The following SDK2 variants were observed in gnomAD, a reference collection of about 807,000 sequenced individuals.
The protein encoded by SDK2 is sidekick cell adhesion molecule 2.
SDK2 carries 105 observed loss-of-function variants against 253.9 expected under a neutral mutation model. The ratio of observed to expected loss-of-function variants is 0.41; its 90% confidence interval spans 0.35 to 0.49. The LOEUF (loss-of-function observed/expected upper bound fraction) is 0.49. Ranked by LOEUF, SDK2 falls within the 20% of genes least tolerant of loss-of-function variation. SDK2 has a pLI of 0.06. For missense variants in SDK2, 2,608 were observed against 3,003.0 expected, an observed-to-expected ratio of 0.87 and a Z score of 3.07; for synonymous variants, 1,249 against 1,234.9, an observed-to-expected ratio of 1.01 and a Z score of -0.24.
intron 1 of SDK2, among the ~76,000 whole-genome samples, chr17:73,539,961 G>C (rs1039984058): frequency 6.7e-6 from 1 of 149,380 alleles, no homozygotes; most frequent in Non-Finnish European, 1.5e-5. Context: ...CACCAGAGAC[G>C]GGGTCATGCA....
intron 1 of SDK2, among the ~76,000 whole-genome samples, chr17:73,525,063 T>A (rs192302060): frequency 1.3e-5 from 2 of 152,218 alleles, no homozygotes; most frequent in African/African-American, 4.8e-5. Context: ...GGCTACTTCT[T>A]TGGGCCTCAT....
chr17:73,389,557 T>C (rs1476973205), intron 29 of SDK2, among the ~76,000 whole-genome samples: 1 of 152,140 alleles, frequency 6.6e-6, no homozygotes, highest in Non-Finnish European at 1.5e-5. Context: ...GTTTCTAATA[T>C]ATCCCTATCA....
rs201007708 is a variant in SDK2 at position 73,435,190 on chromosome 17, G to A, written c.1195+260C>T. Among the ~76,000 whole-genome samples, 2 of 152,320 alleles carry A rather than the reference G, an allele frequency of 1.3e-5. No homozygotes were observed. The highest frequency in any genetic ancestry group is 3.9e-4 in the East Asian group (2 of 5,178). On this transcript the variant is annotated intron_variant, in intron 9 of 44. Coordinates refer to ENST00000392650, the MANE Select transcript of SDK2 (RefSeq NM_001144952.2). This position sits in a 1 kb window ranked among gnomAD's most constrained non-coding sequence, Gnocchi z 5.7. ...TCATAGCTCCTTTTCTCAAAAAGCC[G>A]TGAACGCAACCTGGGCCCCAGGACA...
chr17:73,526,186 G>C (rs954657934), intron 1 of SDK2, among the ~76,000 whole-genome samples: 1 of 152,344 alleles, frequency 6.6e-6, no homozygotes, highest in South Asian at 2.1e-4. Context: ...GCCAGGATGC[G>C]TGCAAGGAAC....
chr17:73,495,878 T>A (rs749080274), intron 2 of SDK2, among the ~76,000 whole-genome samples: 1 of 152,214 alleles, frequency 6.6e-6, no homozygotes, highest in Non-Finnish European at 1.5e-5. Flanking sequence ...ACTGGCTCCA[T>A]GCCACGTACA....
At chr17:73,354,738 C>T (rs1381898963) in intron 40 of SDK2, among the ~76,000 whole-genome samples, 1 of 128,650 alleles carries the variant, frequency 7.8e-6, no homozygotes, top group Non-Finnish European at 1.6e-5. Context: ...CTTCCCCTAG[C>T]CTGCCCCAAC....
Position 73,609,147 on chromosome 17 carries a change from T to G in SDK2, c.64+34878A>C, listed in dbSNP as rs59549404. Among the ~76,000 whole-genome samples the G allele has an allele frequency of 0.19, 29,486 of 152,028 alleles. 3,096 individuals are homozygous for G. The highest frequency in any genetic ancestry group is 0.27 in the African/African-American group (11,139 of 41,420). On this transcript the variant is annotated intron_variant, in intron 1 of 44. Transcript: ENST00000392650. This position sits in a 1 kb window ranked among gnomAD's most constrained non-coding sequence, Gnocchi z 4.4. ...AAGATCAGGAGTTTGCAAGACCTTG[T>G]GTGTGTTCAGTTGGGATGACTTGGT... is the stretch of plus-strand genomic sequence containing the variant.
intron 2 of SDK2, among the ~76,000 whole-genome samples, chr17:73,497,523 C>T (rs1168643751): frequency 6.6e-6 from 1 of 152,120 alleles, no homozygotes; most frequent in African/African-American, 2.4e-5. Flanking sequence ...CAGTGTCTTC[C>T]CAGAAAGCTC....
chr17:73,552,485 C>T (rs747652304), intron 1 of SDK2, among the ~76,000 whole-genome samples: 2 of 152,202 alleles, frequency 1.3e-5, no homozygotes, highest in Admixed American at 6.5e-5. Flanking sequence ...AGGGGGTGGC[C>T]GTCCACATTG....
At chr17:73,515,703 C>A (rs574932136) in intron 1 of SDK2, among the ~76,000 whole-genome samples, 28 of 152,344 alleles carry the variant, frequency 1.8e-4, no homozygotes, top group African/African-American at 6.7e-4. Flanking sequence ...GGGGACCCCA[C>A]CCTGCAGCCC....
chr17:73,390,335 C>T lies in SDK2; in HGVS notation c.4144G>A (p.Gly1382Ser), dbSNP rs778037753. 6.2e-7 allele frequency: 1 copy of T among 1,609,110 alleles called. No individual in the cohort carries two copies. The highest frequency in any genetic ancestry group is 1.7e-5 in the Admixed American group (1 of 59,916). ...AAGGCCTCGGCAGCTTCTCCCCAGC[C>T]CTTGCGGGTCTGGGCCGTGATGCGG... ...LFRITAQTRKGWGEAAEALVV... is the reference protein window; with the variant it reads ...LFRITAQTRKSWGEAAEALVV... Residue 1382 changes from glycine to serine, a missense_variant, in exon 29 of 45, where the codon GGC (glycine) becomes AGC (serine). By Grantham distance (56) the Gly-to-Ser change is moderately conservative. Coordinates refer to ENST00000392650, the MANE Select transcript of SDK2 (RefSeq NM_001144952.2).
In SDK2 at chr17:73,387,819, A is replaced by T. The variant is rs558928799; in HGVS notation, c.4394+17T>A. 5 of 1,536,618 alleles carry T rather than the reference A, an allele frequency of 3.3e-6. No individual in the cohort carries two copies. In the South Asian group the frequency reaches 6.1e-5, roughly 19 times the overall value. On this transcript the variant is annotated intron_variant, in intron 30 of 44. Coordinates refer to ENST00000392650, the MANE Select transcript of SDK2 (RefSeq NM_001144952.2). ...GGAGAGGGGCAGTGGGGATGCTGGC[A>T]TGGACCCGAGCCTTACCTGTCCACA... is the stretch of plus-strand genomic sequence containing the variant.
At position 73,597,937 on chromosome 17, in the gene SDK2, G is replaced by A. The variant is rs555009283; in HGVS notation, c.64+46088C>T. Among the ~76,000 whole-genome samples, 4 of 152,224 alleles carry A rather than the reference G, an allele frequency of 2.6e-5. No individual in the cohort carries two copies. In the East Asian group the frequency reaches 7.7e-4, roughly 29 times the overall value. On this transcript the variant is annotated intron_variant, in intron 1 of 44. Transcript: ENST00000392650. ...TGGGATTACAGGCCTGAGCCACCGC[G>A]CCTGGCCTATTTCATTTTTATGATA... is the stretch of plus-strand genomic sequence containing the variant.
chr17:73,514,263 G>C (rs1345686407), intron 1 of SDK2, among the ~76,000 whole-genome samples: 1 of 152,120 alleles, frequency 6.6e-6, no homozygotes, highest in African/African-American at 2.4e-5. Context: ...GCCAGCAAGA[G>C]GCCTCAGCCC....
chr17:73,386,968 T>C (rs1008603624), intron 30 of SDK2, among the ~76,000 whole-genome samples: 2 of 152,154 alleles, frequency 1.3e-5, no homozygotes, highest in African/African-American at 4.8e-5. Flanking sequence ...GAGTCTTTTT[T>C]TGTTGTTGTT....
chr17:73,379,359 G>GGGT lies in SDK2; in HGVS notation c.4865-68_4865-67insACC. On this transcript the variant is annotated intron_variant, in intron 35 of 44. Coordinates refer to ENST00000392650, the MANE Select transcript of SDK2 (RefSeq NM_001144952.2). This position sits in a 1 kb window ranked among gnomAD's most constrained non-coding sequence, Gnocchi z 4.5. ...CTGGGAGGGGAGGTGGGCTGGGCGGGATGGGGAGCCCAGATCCCGTTTCTT... is the reference window on the plus strand; with the variant it reads ...CTGGGAGGGGAGGTGGGCTGGGCGGGGGTATGGGGAGCCCAGATCCCGTTTCTT... 3.0e-6 allele frequency: 2 copies of GGGT among 656,578 alleles called. No homozygotes were observed. The highest frequency in any genetic ancestry group is 5.3e-6 in the Non-Finnish European group (2 of 380,028). 40.7% of individuals were successfully genotyped at this position (656,578 alleles called of 1,614,324 possible).
In SDK2 at chr17:73,507,474, T is replaced by C; in HGVS notation, c.188A>G (p.Asn63Ser). ...GGAGAACTTGGTCAGCTCCCTGTTGTTGTGGAGCCACTTGAACTCCAGTGG... is the reference window on the plus strand; with the variant it reads ...GGAGAACTTGGTCAGCTCCCTGTTGCTGTGGAGCCACTTGAACTCCAGTGG... ...SWPLEFKWLHNNRELTKFSLE... is the reference protein window; with the variant it reads ...SWPLEFKWLHSNRELTKFSLE... Residue 63 changes from asparagine (N) to serine (S), a missense_variant, in exon 2 of 45, where the codon AAC becomes AGC. Coordinates refer to ENST00000392650, the MANE Select transcript of SDK2 (RefSeq NM_001144952.2). 1 of 1,551,614 alleles carries C rather than the reference T, an allele frequency of 6.4e-7. No homozygotes were observed. The highest frequency in any genetic ancestry group is 1.2e-5 in the South Asian group (1 of 84,050).
At position 73,380,967 on chromosome 17, in the gene SDK2, C is replaced by CGGATTGGTTA; in HGVS notation, c.4706-18_4706-17insTAACCAATCC. 1.0e-6 allele frequency: 1 copy of CGGATTGGTTA among 985,114 alleles called. No individual in the cohort carries two copies. The highest frequency in any genetic ancestry group is 2.9e-5 in the East Asian group (1 of 34,268). 61.0% of individuals were successfully genotyped at this position (985,114 alleles called of 1,614,324 possible). On this transcript the variant is annotated splice_polypyrimidine_tract_variant and intron_variant, in intron 33 of 44. Coordinates refer to ENST00000392650, the MANE Select transcript of SDK2 (RefSeq NM_001144952.2). ...AGTACATGGCTATGGGGTGGGGGTG[C>CGGATTGGTTA]CGGGGCGGGGGCGCAGAGGGAGACA...
intron 1 of SDK2, among the ~76,000 whole-genome samples, chr17:73,571,065 C>A (rs2045378716): frequency 7.2e-6 from 1 of 138,832 alleles, no homozygotes; most frequent in Non-Finnish European, 1.6e-5. Context: ...CAGGAGGTGG[C>A]TCGGGTTTTT....
Sources: allele counts gnomAD v4.1 joint callset (sites outside exome capture counted in the v4.1 genomes callset), GRCh38; gene constraint gnomAD v4.1.1; non-coding constraint Gnocchi (gnomAD v3.1); transcripts MANE v1.5; gene names NCBI Gene and HGNC (gene_info 2026-07-23, HGNC 2026-07-21).